Variants in CNTNAP5 observed in about 807,000 individuals in gnomAD.
CNTNAP5 encodes contactin associated protein family member 5.
CNTNAP5 carries 72 observed loss-of-function variants against 150.2 expected under a neutral mutation model. The observed-to-expected ratio is 0.48, with a 90% CI of 0.40 to 0.58. CNTNAP5 has a LOEUF of 0.58. Ranked by LOEUF, CNTNAP5 falls within the 20% of genes least tolerant of loss-of-function variation. The pLI is 0.00. For missense variants in CNTNAP5, 1,636 were observed against 1,626.2 expected, an observed-to-expected ratio of 1.01 and a Z score of -0.10; for synonymous variants, 672 against 619.8, an observed-to-expected ratio of 1.08 and a Z score of -1.25.
At chr2:124,062,031 G>A (rs1247105176) in intron 1 of CNTNAP5, among the ~76,000 whole-genome samples, 1 of 150,022 alleles carries the variant, frequency 6.7e-6, no homozygotes, top group East Asian at 2.0e-4. Context: ...TACTTGGGCT[G>A]TTTCCACAGC....
At chr2:124,308,493 C>T (rs1688744746) in intron 3 of CNTNAP5, among the ~76,000 whole-genome samples, 1 of 152,054 alleles carries the variant, frequency 6.6e-6, no homozygotes, top group Admixed American at 6.6e-5. Flanking sequence ...AGCTGAATGA[C>T]CAGAAGGCTC....
At chr2:124,554,499 C>T (rs1255472080) in intron 10 of CNTNAP5, among the ~76,000 whole-genome samples, 1 of 149,916 alleles carries the variant, frequency 6.7e-6, no homozygotes, top group Non-Finnish European at 1.5e-5. Flanking sequence ...TAGCCCACTG[C>T]AGCCATAAAT....
intron 5 of CNTNAP5, among the ~76,000 whole-genome samples, chr2:124,436,996 A>T (rs967667824): frequency 1.4e-4 from 22 of 152,164 alleles, no homozygotes; most frequent in African/African-American, 4.8e-4. Context: ...ACAGATTAGT[A>T]CTTTAGTCCC....
chr2:124,798,339 T>C lies in CNTNAP5; in HGVS notation c.3217+19T>C. 1 of 1,563,618 alleles carries C rather than the reference T, an allele frequency of 6.4e-7. No homozygotes were observed. The highest frequency in any genetic ancestry group is 1.7e-5 in the Admixed American group (1 of 59,904). ...AAGAATGGTGAGTGTGATGGCATGA[T>C]ACCCAGCGGAGTCTCAGCCTGGGCT... On this transcript the variant is annotated intron_variant, in intron 19 of 23. Coordinates refer to ENST00000682447, the MANE Select transcript of CNTNAP5 (RefSeq NM_001367498.1).
chr2:124,690,724 T>C (rs1679284146), intron 13 of CNTNAP5, among the ~76,000 whole-genome samples: 1 of 152,038 alleles, frequency 6.6e-6, no homozygotes, highest in South Asian at 2.1e-4. Flanking sequence ...CCATGTCTGG[T>C]ACATCACTTC....
At chr2:124,814,385 G>A (rs1219169206) in intron 19 of CNTNAP5, among the ~76,000 whole-genome samples, 2 of 151,812 alleles carry the variant, frequency 1.3e-5, no homozygotes, top group East Asian at 3.9e-4. Context: ...TGAGCTTTCT[G>A]TATCAGTCTA....
At chr2:124,150,238 AGT>A (rs1684373072) in intron 1 of CNTNAP5, among the ~76,000 whole-genome samples, 1 of 151,544 alleles carries the variant, frequency 6.6e-6, no homozygotes, top group Non-Finnish European at 1.5e-5. Context: ...TATTTAAATT[AGT>A]GTGTTAAGTA....
In CNTNAP5 at chr2:124,728,156, T is replaced by C. The variant is rs990803086; in HGVS notation, c.2078-19073T>C. On this transcript the variant is annotated intron_variant, in intron 13 of 23. Coordinates refer to ENST00000682447, the MANE Select transcript of CNTNAP5 (RefSeq NM_001367498.1). ...CCTTTTATCTCACTTGATCATGGTG[T>C]GTAATTCTCTTGATGTGCTTTTGAA... Among the ~76,000 whole-genome samples the C allele has an allele frequency of 3.3e-5, 5 of 152,220 alleles. No individual in the cohort carries two copies. In the East Asian group the frequency reaches 9.6e-4, roughly 29 times the overall value.
intron 1 of CNTNAP5, among the ~76,000 whole-genome samples, chr2:124,030,099 T>A (rs533888110): frequency 6.6e-6 from 1 of 152,270 alleles, no homozygotes; most frequent in African/African-American, 2.4e-5. Context: ...GATCTTGCTG[T>A]ATGCAACGAA....
chr2:124,312,433 C>T (rs1688852688), intron 3 of CNTNAP5, among the ~76,000 whole-genome samples: 1 of 152,152 alleles, frequency 6.6e-6, no homozygotes, highest in Non-Finnish European at 1.5e-5. Flanking sequence ...ACTGCAACCT[C>T]CGCACCACTC....
At chr2:124,172,955 C>T (rs538940232) in intron 1 of CNTNAP5, among the ~76,000 whole-genome samples, 1 of 152,236 alleles carries the variant, frequency 6.6e-6, no homozygotes, top group African/African-American at 2.4e-5. Flanking sequence ...TCTATTGGCA[C>T]CACCTTTCCA....
At chr2:124,748,046 G>C (rs1371691857) in intron 14 of CNTNAP5, among the ~76,000 whole-genome samples, 2 of 151,804 alleles carry the variant, frequency 1.3e-5, no homozygotes, top group East Asian at 1.9e-4. Context: ...TATATGTTTT[G>C]GGGGGAGAGA....
intron 7 of CNTNAP5, among the ~76,000 whole-genome samples, chr2:124,487,602 G>A (rs1693916141): frequency 6.6e-6 from 1 of 151,922 alleles, no homozygotes; most frequent in African/African-American, 2.4e-5. Context: ...GATGACTTTG[G>A]TAGAGGATTA....
intron 7 of CNTNAP5, among the ~76,000 whole-genome samples, chr2:124,490,907 T>A (rs189572875): frequency 2.3e-4 from 35 of 152,264 alleles, no homozygotes; most frequent in Non-Finnish European, 4.7e-4. Flanking sequence ...AAATTTTAAA[T>A]TACTTATGTG....
intron 1 of CNTNAP5, among the ~76,000 whole-genome samples, chr2:124,204,942 TA>T (rs1685825826): frequency 6.6e-6 from 1 of 152,146 alleles, no homozygotes; most frequent in African/African-American, 2.4e-5. Flanking sequence ...AAAGCCAAAG[TA>T]AACTGCTACT....
chr2:124,293,927 G>A (rs1688361464), intron 3 of CNTNAP5, among the ~76,000 whole-genome samples: 1 of 152,254 alleles, frequency 6.6e-6, no homozygotes, highest in Non-Finnish European at 1.5e-5. Flanking sequence ...TGATAGCAGA[G>A]ATGAGAAAGA....
At chr2:124,477,433 G>T (rs1300111819) in intron 7 of CNTNAP5, among the ~76,000 whole-genome samples, 1 of 152,068 alleles carries the variant, frequency 6.6e-6, no homozygotes, top group African/African-American at 2.4e-5. Flanking sequence ...ATTAAAGATT[G>T]TCAGCATTTT....
intron 2 of CNTNAP5, among the ~76,000 whole-genome samples, chr2:124,232,608 C>A (rs1558812122): frequency 1.3e-5 from 2 of 151,982 alleles, no homozygotes; most frequent in East Asian, 3.9e-4. Flanking sequence ...TCATGGTGAC[C>A]CCCTCCTCAT....
chr2:124,116,466 A>G (rs1433991212), intron 1 of CNTNAP5, among the ~76,000 whole-genome samples: 1 of 152,162 alleles, frequency 6.6e-6, no homozygotes, highest in Non-Finnish European at 1.5e-5. Flanking sequence ...CTGGACATCC[A>G]TAGTTTTATT....
Sources: gnomAD v4.1 joint callset for allele counts (sites outside exome capture counted in the v4.1 genomes callset) on GRCh38, gnomAD v4.1.1 for gene constraint, MANE v1.5 for transcripts, NCBI Gene and HGNC (gene_info 2026-07-23, HGNC 2026-07-21) for gene names.